SMPD3: variants seen among roughly 807,000 people sequenced by gnomAD.
SMPD3 encodes the protein sphingomyelin phosphodiesterase 3.
Under a neutral mutation model 55.7 loss-of-function variants are expected in SMPD3, and 21 were observed. The ratio of observed to expected loss-of-function variants is 0.38; its 90% confidence interval spans 0.27 to 0.54. The LOEUF (loss-of-function observed/expected upper bound fraction) is 0.54, where lower values mean the gene tolerates loss of function less well. Ranked by LOEUF, SMPD3 falls within the 20% of genes least tolerant of loss-of-function variation. The pLI, the probability that SMPD3 is intolerant of heterozygous loss-of-function variation, is 0.80. For missense variants in SMPD3, 842 were observed against 899.6 expected, an observed-to-expected ratio of 0.94 and a Z score of 0.82; for synonymous variants, 457 against 404.3, an observed-to-expected ratio of 1.13 and a Z score of -1.56.
At chr16:68,367,190 G>A (rs1247167091) in intron 3 of SMPD3, 1 of 152,302 alleles carries the variant, frequency 6.6e-6, no homozygotes, top group South Asian at 2.1e-4. Flanking sequence ...AAGACCACAC[G>A]GGGGCGCCGT....
At chr16:68,361,862 T>TGGGGGG in intron 7 of SMPD3, 103 bp from the exon 8 acceptor site, 20 of 677,146 alleles carry the variant, frequency 3.0e-5, no homozygotes, top group Middle Eastern at 5.0e-4. Context: ...TGGGAGCGGG[T>TGGGGGG]GGGTGGGACC....
chr16:68,434,896 G>A (rs570542635), intron 1 of SMPD3, among the ~76,000 whole-genome samples: 1 of 152,228 alleles, frequency 6.6e-6, no homozygotes, highest in Non-Finnish European at 1.5e-5. Context: ...GCCCTATGTT[G>A]GTTTTTCTTT....
At chr16:68,410,132 ACCG>A (rs1256284325) in intron 1 of SMPD3, among the ~76,000 whole-genome samples, 2 of 152,194 alleles carry the variant, frequency 1.3e-5, no homozygotes, top group African/African-American at 4.8e-5. Context: ...CTCCAGCTCC[ACCG>A]CAAGAGGACT....
At chr16:68,413,714 C>T (rs2090319158) in intron 1 of SMPD3, among the ~76,000 whole-genome samples, 1 of 152,208 alleles carries the variant, frequency 6.6e-6, no homozygotes, top group Non-Finnish European at 1.5e-5. Flanking sequence ...ATCCCCTCTC[C>T]ACTCTCCCCT....
chr16:68,436,195 G>A (rs148825655), intron 1 of SMPD3, among the ~76,000 whole-genome samples: 137 of 152,280 alleles, frequency 9.0e-4, no homozygotes, highest in African/African-American at 3.2e-3. Context: ...AGAGACATAG[G>A]TGATATATCC....
rs2090617869 is a variant in SMPD3 at position 68,447,303 on chromosome 16, G to T, written c.-269+1050C>A. Among the ~76,000 whole-genome samples, 1 of 152,196 alleles carries T rather than the reference G, an allele frequency of 6.6e-6. No homozygotes were observed. The highest frequency in any genetic ancestry group is 2.1e-4 in the South Asian group (1 of 4,834). On this transcript the variant is annotated intron_variant, in intron 1 of 8. Transcript: ENST00000219334. The surrounding 1 kb of genome is among the most constrained non-coding windows in gnomAD (Gnocchi z 5.1). ...AAAGATTCGCGGGCACGAGGTTGGG[G>T]GTAGCGTCTACCTGGAGCTCTTGAG...
chr16:68,445,777 C>T (rs1366510890), intron 1 of SMPD3, among the ~76,000 whole-genome samples: 1 of 152,198 alleles, frequency 6.6e-6, no homozygotes, highest in Non-Finnish European at 1.5e-5. Flanking sequence ...GGTCTCTCAT[C>T]CTATGGGAAG....
At chr16:68,390,257 T>C (rs138453502) in intron 1 of SMPD3, among the ~76,000 whole-genome samples, 1 of 152,378 alleles carries the variant, frequency 6.6e-6, no homozygotes, top group African/African-American at 2.4e-5. Context: ...TTGTTCACCA[T>C]CTTGCTTTTG....
chr16:68,379,562 A>G (rs71395856), intron 2 of SMPD3, among the ~76,000 whole-genome samples: 7,992 of 152,206 alleles, frequency 0.053, 249 homozygotes, highest in Middle Eastern at 0.12. Context: ...CCTTACAAAG[A>G]GGGTTCTCTG....
rs781284694 is a variant in SMPD3, at chr16:68,360,598, G to C, written c.*608C>G. 1 of 153,110 alleles carries C rather than the reference G, an allele frequency of 6.5e-6. No individual in the cohort carries two copies. Among genetic ancestry groups the C allele is most frequent in the African/African-American group, 2.4e-5 (1 of 41,476 alleles). The allele number at this position is 153,110 out of a possible 1,614,324, so 9.5% of individuals were successfully genotyped here. On this transcript the variant is annotated 3_prime_UTR_variant, in exon 9 of 9. Transcript: ENST00000219334. The stretch of plus-strand genomic sequence containing the variant: ...AAAATGTAATTGCCCTTGAATGCGA[G>C]ACCCTGGGAAGAGCCCTGGGCTGGC...
chr16:68,431,851 G>A (rs529926891), intron 1 of SMPD3, among the ~76,000 whole-genome samples: 3 of 152,336 alleles, frequency 2.0e-5, no homozygotes, highest in South Asian at 4.1e-4. Context: ...GAACCCGGCA[G>A]GTGGAGGTTG....
chr16:68,437,212 C>T (rs571744277), intron 1 of SMPD3, among the ~76,000 whole-genome samples: 93 of 152,348 alleles, frequency 6.1e-4, no homozygotes, highest in Non-Finnish European at 9.4e-4. Flanking sequence ...GTGAGCAGGG[C>T]GTGAATACTT....
At chr16:68,423,954 C>T (rs1317290187) in intron 1 of SMPD3, among the ~76,000 whole-genome samples, 5 of 151,976 alleles carry the variant, frequency 3.3e-5, no homozygotes, top group South Asian at 2.1e-4. Flanking sequence ...GCCTCAGTGG[C>T]GGTGAACAGT....
rs958945899 is a variant in SMPD3, at chr16:68,358,662, G to A, written c.*2544C>T. 2 of 152,628 alleles carry A rather than the reference G, an allele frequency of 1.3e-5. No individual in the cohort carries two copies. Among genetic ancestry groups the A allele is most frequent in the Non-Finnish European group, 1.5e-5 (1 of 68,036 alleles). The allele number at this position is 152,628 out of a possible 1,614,324, so 9.5% of individuals were successfully genotyped here. On this transcript the variant is annotated 3_prime_UTR_variant, in exon 9 of 9. Coordinates refer to ENST00000219334, the MANE Select transcript of SMPD3 (RefSeq NM_018667.4). ...TATACTTAAAACTTAAGGTGGTTTTGGACAAATGAAAATGAACATTTCCTT... is the reference window on the plus strand; with the variant it reads ...TATACTTAAAACTTAAGGTGGTTTTAGACAAATGAAAATGAACATTTCCTT...
At chr16:68,384,558 CAGA>C (rs564394104) in intron 2 of SMPD3, among the ~76,000 whole-genome samples, 91 of 152,274 alleles carry the variant, frequency 6.0e-4, no homozygotes, top group African/African-American at 1.8e-3. Context: ...TCCTTCAAAG[CAGA>C]AGGAGGGACG....
chr16:68,439,448 G>A (rs963953258), intron 1 of SMPD3, among the ~76,000 whole-genome samples: 1 of 152,210 alleles, frequency 6.6e-6, no homozygotes, highest in African/African-American at 2.4e-5. Context: ...AGGAAAATGT[G>A]CATATTAACA....
rs113879262 is a variant in SMPD3 at position 68,429,498 on chromosome 16, G to T, written c.-269+18855C>A. Among the ~76,000 whole-genome samples the T allele has an allele frequency of 2.9e-3, 439 of 152,320 alleles. 2 individuals carry two copies. Among genetic ancestry groups the T allele is most frequent in the Non-Finnish European group, 4.9e-3 (333 of 68,022 alleles). ...CTTCAAGCCTCCTGTATTGATTCCA[G>T]GAGTATAATTGTTTCTGCTCTCAGC... is the stretch of plus-strand genomic sequence containing the variant. On this transcript the variant is annotated intron_variant, in intron 1 of 8. Transcript: ENST00000219334.
At chr16:68,442,520 T>C (rs557502457) in intron 1 of SMPD3, among the ~76,000 whole-genome samples, 39 of 152,330 alleles carry the variant, frequency 2.6e-4, no homozygotes, top group African/African-American at 9.4e-4. Context: ...GGAAATCCAG[T>C]CCTCCTTTGA....
chr16:68,383,131 G>A (rs2089984457), intron 2 of SMPD3, among the ~76,000 whole-genome samples: 1 of 152,160 alleles, frequency 6.6e-6, no homozygotes, highest in African/African-American at 2.4e-5. Context: ...GAGCCACTGC[G>A]CCCAGCCAGG....
Sources: gnomAD v4.1 joint callset for allele counts (sites outside exome capture counted in the v4.1 genomes callset) on GRCh38, gnomAD v4.1.1 for gene constraint, Gnocchi (gnomAD v3.1) non-coding constraint, MANE v1.5 for transcripts, NCBI Gene and HGNC (gene_info 2026-07-23, HGNC 2026-07-21) for gene names.